HECTD2: variants seen among roughly 807,000 people sequenced by gnomAD.
The protein encoded by HECTD2 is HECT domain E3 ubiquitin protein ligase 2.
In HECTD2, 35 loss-of-function variants were observed where a neutral mutation model predicts 103.2. That is an observed-to-expected ratio of 0.34 (90% CI 0.26 to 0.45). HECTD2 has a LOEUF of 0.45. Ranked by LOEUF, HECTD2 falls within the 20% of genes least tolerant of loss-of-function variation. The probability of loss-of-function intolerance (pLI) is 1.00; values close to 1 mark genes in which losing one functional copy is unlikely to be tolerated. For synonymous variants in HECTD2, 281 were observed against 329.9 expected, an observed-to-expected ratio of 0.85 and a Z score of 1.61; for missense variants, 596 against 937.4, an observed-to-expected ratio of 0.64 and a Z score of 4.76.
At chr10:91,484,382 A>G (rs1162456608) in intron 8 of HECTD2, 125 bp from the exon 9 acceptor site, 1 of 1,443,788 alleles carries the variant, frequency 6.9e-7, no homozygotes, top group Admixed American at 2.1e-5. Flanking sequence ...TTGGCAATTT[A>G]AGAAATAGAA....
intron 2 of HECTD2, among the ~76,000 whole-genome samples, chr10:91,454,222 C>T (rs1470153949): frequency 1.3e-5 from 2 of 152,114 alleles, no homozygotes; most frequent in African/African-American, 4.8e-5. Context: ...ACAGAATACA[C>T]GTGGCATTTC....
At chr10:91,469,649 C>T (rs2133233469) in intron 5 of HECTD2, among the ~76,000 whole-genome samples, 1 of 152,294 alleles carries the variant, frequency 6.6e-6, no homozygotes, top group East Asian at 1.9e-4. Context: ...GCCACAAAAA[C>T]ACACTTAAGC....
In HECTD2 at chr10:91,512,373, G is replaced by GGACTT; in HGVS notation, c.2323_2327dup (p.Glu776AspfsTer25). The GGACTT allele has an allele frequency of 6.2e-7, 1 of 1,613,134 alleles. No individual in the cohort carries two copies. Among genetic ancestry groups the GGACTT allele is most frequent in the Non-Finnish European group, 8.5e-7 (1 of 1,179,404 alleles). ...TGGAATTTCAAATTCAGAAGGTTTT[G>GGACTT]GACTTGAGTAACCTAGAAGACTTGA... On this transcript the variant is annotated frameshift_variant, in exon 21 of 21. Coordinates refer to ENST00000298068, the MANE Select transcript of HECTD2 (RefSeq NM_182765.6). LOFTEE classifies it high-confidence loss of function.
chr10:91,443,428 T>C (rs977405961), intron 2 of HECTD2, among the ~76,000 whole-genome samples: 1 of 150,308 alleles, frequency 6.7e-6, no homozygotes, highest in African/African-American at 2.5e-5. Flanking sequence ...ACAGCAAAGG[T>C]TGCTGCCTGT....
chr10:91,501,697 T>A lies in HECTD2; in HGVS notation c.2210+363T>A, dbSNP rs909938090. Among the ~76,000 whole-genome samples, 5 of 152,116 alleles carry A rather than the reference T, an allele frequency of 3.3e-5. No homozygotes were observed. In the South Asian group the frequency reaches 6.2e-4, roughly 19 times the overall value. ...AAATCATTAAGTTGGGATATCTGGTTTGTTTGTGGAGTTTTCTTTCTTTTC... is the reference window on the plus strand; with the variant it reads ...AAATCATTAAGTTGGGATATCTGGTATGTTTGTGGAGTTTTCTTTCTTTTC... On this transcript the variant is annotated intron_variant, in intron 20 of 20. Coordinates refer to ENST00000298068, the MANE Select transcript of HECTD2 (RefSeq NM_182765.6).
At chr10:91,475,432 A>G (rs572265369) in intron 5 of HECTD2, among the ~76,000 whole-genome samples, 2 of 152,322 alleles carry the variant, frequency 1.3e-5, no homozygotes, top group South Asian at 4.1e-4. Flanking sequence ...AGTGTTTAAA[A>G]AAGAAGAGTA....
rs1205161213 is a variant in HECTD2, at chr10:91,514,497, C to CTT, written c.*2114_*2115insTT. 3 of 152,580 alleles carry CTT rather than the reference C, an allele frequency of 2.0e-5. No homozygotes were observed. Among genetic ancestry groups the CTT allele is most frequent in the African/African-American group, 2.4e-5 (1 of 41,520 alleles). The allele number at this position is 152,580 out of a possible 1,614,324, so 9.5% of individuals were successfully genotyped here. Reference sequence around the variant, plus strand: ...TGTTACATTTTATTAATTTAAAAAGCTAGAAAATTCATGTAGTTACTTTTT... The same window carrying CTT: ...TGTTACATTTTATTAATTTAAAAAGCTTTAGAAAATTCATGTAGTTACTTTTT... On this transcript the variant is annotated 3_prime_UTR_variant, in exon 21 of 21. Coordinates refer to ENST00000298068, the MANE Select transcript of HECTD2 (RefSeq NM_182765.6).
rs767954192 is a variant in HECTD2 at position 91,496,322 on chromosome 10, C to G, written c.1630C>G (p.Pro544Ala). Residue 544 changes from proline (P) to alanine (A), a missense_variant, in exon 15 of 21, where the codon CCA becomes GCA. Physicochemically the swap from Pro to Ala is conservative, Grantham distance 27. This residue lies in a region of HECTD2 where 303 missense variants were observed against 522.5 expected (regional missense o/e 0.58). Transcript: ENST00000298068. ...CATCATTCCTAGTGATCAAAATATA[C>G]CAGTAGGCATCTGCAATGTTACCGT... is the stretch of plus-strand genomic sequence containing the variant. ...PPIIPSDQNIPVGICNVTVDD... is the reference protein window; with the variant it reads ...PPIIPSDQNIAVGICNVTVDD... The G allele has an allele frequency of 4.0e-5, 64 of 1,611,340 alleles. No individual in the cohort carries two copies. In the South Asian group the frequency reaches 6.7e-4, roughly 17 times the overall value.
chr10:91,474,794 C>T (rs1162585806), intron 5 of HECTD2, among the ~76,000 whole-genome samples: 4 of 152,096 alleles, frequency 2.6e-5, no homozygotes, highest in Admixed American at 2.6e-4. Context: ...ATAAGTGCTT[C>T]GAGAAGATAG....
chr10:91,455,402 C>T (rs1162879725), intron 2 of HECTD2, among the ~76,000 whole-genome samples: 2 of 152,130 alleles, frequency 1.3e-5, no homozygotes, highest in African/African-American at 4.8e-5. Context: ...ATCCTTCACC[C>T]ACTTGTTGAT....
chr10:91,507,894 A>C (rs2133382277), intron 20 of HECTD2, among the ~76,000 whole-genome samples: 1 of 134,514 alleles, frequency 7.4e-6, no homozygotes, highest in South Asian at 2.2e-4. Flanking sequence ...ACAGTAACCA[A>C]AACAGCATGG....
At position 91,410,472 on chromosome 10, in the gene HECTD2, A is replaced by C; in HGVS notation, c.34A>C (p.Thr12Pro). Residue 12 changes from threonine (T) to proline (P), a missense_variant, in exon 1 of 21, where the codon ACT becomes CCT. By Grantham distance (38) the Thr-to-Pro change is conservative. Around this residue, in one of 4 missense-constraint regions of HECTD2, gnomAD observed 220 missense variants for 233.9 expected, o/e 0.94. Transcript: ENST00000298068. The stretch of plus-strand genomic sequence containing the variant: ...GGCGGTTCGGGTACCCTCGCCCGCC[A>C]CTCCGCTGGTGGTGGCGGCGCCCGC... ...SEAVRVPSPA[T>P]PLVVAAPAPE... The C allele has an allele frequency of 6.8e-7, 1 of 1,462,882 alleles. No individual in the cohort carries two copies. Among genetic ancestry groups the C allele is most frequent in the Admixed American group, 2.4e-5 (1 of 41,530 alleles). The allele number at this position is 1,462,882 out of a possible 1,614,324, so 90.6% of individuals were successfully genotyped here.
At chr10:91,452,254 G>A (rs1240940664) in intron 2 of HECTD2, among the ~76,000 whole-genome samples, 1 of 152,052 alleles carries the variant, frequency 6.6e-6, no homozygotes, top group Non-Finnish European at 1.5e-5. Flanking sequence ...TACATTTGGT[G>A]AAAGACATAA....
rs190738662 is a variant in HECTD2, at chr10:91,459,690, C to T, written c.269-737C>T. Reference sequence around the variant, plus strand: ...TAAAAATTAAAAGACTTACAGAGGACGTAAGTGCATATACAGTCATGACAT... The same window carrying T: ...TAAAAATTAAAAGACTTACAGAGGATGTAAGTGCATATACAGTCATGACAT... On this transcript the variant is annotated intron_variant, in intron 2 of 20. Coordinates refer to ENST00000298068, the MANE Select transcript of HECTD2 (RefSeq NM_182765.6). Among the ~76,000 whole-genome samples the T allele has an allele frequency of 1.6e-3, 236 of 152,158 alleles. 1 individual carries two copies. The highest frequency in any genetic ancestry group is 2.4e-3 in the Non-Finnish European group (165 of 67,934).
intron 14 of HECTD2, among the ~76,000 whole-genome samples, chr10:91,494,543 T>G (rs558557025): frequency 5.3e-5 from 8 of 152,090 alleles, no homozygotes; most frequent in Admixed American, 1.3e-4. Context: ...TTATGAGACA[T>G]ATATATGGAA....
intron 6 of HECTD2, among the ~76,000 whole-genome samples, chr10:91,478,916 A>G (rs1025483460): frequency 3.3e-5 from 5 of 152,106 alleles, no homozygotes; most frequent in Non-Finnish European, 5.9e-5. Context: ...TACATGTACC[A>G]TATATATTTT....
rs1452122109 is a variant in HECTD2 at position 91,462,184 on chromosome 10, T to A, written c.600T>A (p.Thr200=). The stretch of plus-strand genomic sequence containing the variant: ...CTGTGTATGATACCTTACTTAATAC[T>A]GTAAGTATTATGACATGCAAGTAAT... The part of the protein sequence containing the change: ...VNAVYDTLLN[T]PQDVQKTVLK... Residue 200 remains threonine, a splice_region_variant and synonymous_variant, in exon 5 of 21, where the codon ACT becomes ACA. Transcript: ENST00000298068. The A allele has an allele frequency of 6.3e-7, 1 of 1,576,614 alleles. No homozygotes were observed. Among genetic ancestry groups the A allele is most frequent in the Non-Finnish European group, 8.7e-7 (1 of 1,152,202 alleles).
At chr10:91,433,995 C>T (rs1455433927) in intron 2 of HECTD2, among the ~76,000 whole-genome samples, 1 of 151,910 alleles carries the variant, frequency 6.6e-6, no homozygotes, top group Non-Finnish European at 1.5e-5. Flanking sequence ...TCAAATATTT[C>T]TATAACTAGG....
Position 91,487,168 on chromosome 10 carries a change from T to A in HECTD2, c.1095-514T>A, listed in dbSNP as rs1846295876. ...CCACACCATTAAATATAATACTAAA[T>A]GTAACATACATTTCTGATTTATTTT... On this transcript the variant is annotated intron_variant, in intron 10 of 20. Transcript: ENST00000298068. The surrounding 1 kb of genome is among the most constrained non-coding windows in gnomAD (Gnocchi z 4.1). 6.1e-6 allele frequency: 1 copy of A among 163,544 alleles called. No homozygotes were observed. The highest frequency in any genetic ancestry group is 2.4e-5 in the African/African-American group (1 of 41,602). 10.1% of individuals were successfully genotyped at this position (163,544 alleles called of 1,614,324 possible).
Sources: gnomAD v4.1 joint callset for allele counts (sites outside exome capture counted in the v4.1 genomes callset) on GRCh38, gnomAD v4.1.1 for gene constraint, gnomAD v4.1.1 regional missense constraint, Gnocchi (gnomAD v3.1) non-coding constraint, MANE v1.5 for transcripts, NCBI Gene and HGNC (gene_info 2026-07-23, HGNC 2026-07-21) for gene names.